The following CYP39A1 variants were observed in gnomAD, a reference collection of about 807,000 sequenced individuals.
The protein encoded by CYP39A1 is 24-hydroxycholesterol 7-alpha-hydroxylase.
In CYP39A1, 49 loss-of-function variants were observed where a neutral mutation model predicts 58.1. That is an observed-to-expected ratio of 0.84 (90% CI 0.67 to 1.07). CYP39A1 has a LOEUF of 1.07. CYP39A1 is among the 50% of genes least tolerant of loss of function. The pLI is 0.00. For synonymous variants in CYP39A1, 209 were observed against 187.6 expected, an observed-to-expected ratio of 1.11 and a Z score of -0.93; for missense variants, 531 against 539.4, an observed-to-expected ratio of 0.98 and a Z score of 0.16.
At chr6:46,568,352 C>T (rs1771405005) in intron 10 of CYP39A1, among the ~76,000 whole-genome samples, 1 of 151,918 alleles carries the variant, frequency 6.6e-6, no homozygotes, top group South Asian at 2.1e-4. Flanking sequence ...CTGTGTGTTG[C>T]CTTTTTGTTT....
intron 10 of CYP39A1, among the ~76,000 whole-genome samples, chr6:46,569,543 C>G (rs1771471003): frequency 6.6e-6 from 1 of 151,810 alleles, no homozygotes; most frequent in Non-Finnish European, 1.5e-5. Context: ...AAGTACTTTC[C>G]TTCTATACTC....
intron 10 of CYP39A1, among the ~76,000 whole-genome samples, chr6:46,573,619 G>C (rs1052715566): frequency 2.0e-5 from 3 of 152,156 alleles, no homozygotes; most frequent in Admixed American, 6.5e-5. Flanking sequence ...ACTGGTTCCA[G>C]GGCACAGGCA....
chr6:46,614,733 G>T (rs1448529569), intron 7 of CYP39A1, among the ~76,000 whole-genome samples: 1 of 152,076 alleles, frequency 6.6e-6, no homozygotes, highest in Non-Finnish European at 1.5e-5. Context: ...AAACCTAGCT[G>T]ATTTAGTAAA....
chr6:46,652,281 T>A, intron 1 of CYP39A1, 125 bp downstream of exon 1: 1 of 921,080 alleles, frequency 1.1e-6, no homozygotes, highest in Non-Finnish European at 1.6e-6. Flanking sequence ...AATGACTAGA[T>A]CCTTTAGTTG....
At position 46,587,000 on chromosome 6, in the gene CYP39A1, A is replaced by G. The variant is rs960165139; in HGVS notation, c.1250+77T>C. 18 of 970,142 alleles carry G rather than the reference A, an allele frequency of 1.9e-5. No individual in the cohort carries two copies. The African/African-American group carries it at 2.5e-4, about 13-fold the overall frequency. The allele number at this position is 970,142 out of a possible 1,614,324, so 60.1% of individuals were successfully genotyped here. On this transcript the variant is annotated intron_variant, in intron 10 of 11. Coordinates refer to ENST00000275016, the MANE Select transcript of CYP39A1 (RefSeq NM_016593.5). ...TTTAAATATATATATAAAGAGATTA[A>G]GCCAAAGTTGTTCCCCTCTGAGCCA... is the stretch of plus-strand genomic sequence containing the variant.
At chr6:46,648,104 T>C (rs575582005) in intron 1 of CYP39A1, among the ~76,000 whole-genome samples, 87 of 152,248 alleles carry the variant, frequency 5.7e-4, no homozygotes, top group African/African-American at 1.8e-3. Flanking sequence ...GACAGTGTGG[T>C]GATTCCTCAA....
At chr6:46,577,399 C>T (rs1403643588) in intron 10 of CYP39A1, among the ~76,000 whole-genome samples, 3 of 151,992 alleles carry the variant, frequency 2.0e-5, no homozygotes, top group Admixed American at 6.6e-5. Flanking sequence ...GTGAACAACA[C>T]GGTGACAAGA....
intron 7 of CYP39A1, among the ~76,000 whole-genome samples, chr6:46,606,164 G>A (rs1381717396): frequency 2.0e-5 from 3 of 152,108 alleles, no homozygotes; most frequent in Non-Finnish European, 2.9e-5. Flanking sequence ...AGGGTAAAAC[G>A]TTCTATATTA....
At chr6:46,636,794 A>C (rs1247596033) in intron 4 of CYP39A1, among the ~76,000 whole-genome samples, 1 of 152,218 alleles carries the variant, frequency 6.6e-6, no homozygotes, top group Non-Finnish European at 1.5e-5. Flanking sequence ...AAGTTGCAGG[A>C]GGATGAAAAC....
At chr6:46,620,019 A>T (rs1774859655) in intron 7 of CYP39A1, among the ~76,000 whole-genome samples, 1 of 152,186 alleles carries the variant, frequency 6.6e-6, no homozygotes, top group Non-Finnish European at 1.5e-5. Context: ...AGCAATAAGA[A>T]ATTTGGTAAA....
chr6:46,623,625 T>C (rs1243239065), intron 7 of CYP39A1, among the ~76,000 whole-genome samples: 1 of 152,162 alleles, frequency 6.6e-6, no homozygotes, highest in African/African-American at 2.4e-5. Flanking sequence ...TCTTTTGAGT[T>C]TTCTCTCTCT....
chr6:46,636,587 A>G, intron 4 of CYP39A1, 105 bp from the exon 5 acceptor site: 1 of 699,346 alleles, frequency 1.4e-6, no homozygotes, highest in African/African-American at 1.8e-5. Flanking sequence ...TAGTTCTCCA[A>G]ATTTATTCTT....
intron 7 of CYP39A1, among the ~76,000 whole-genome samples, chr6:46,625,002 T>C (rs947261506): frequency 2.6e-5 from 4 of 152,164 alleles, no homozygotes; most frequent in Middle Eastern, 3.2e-3. Flanking sequence ...TTACCTGACC[T>C]CTACAGTCCT....
At chr6:46,648,976 C>G (rs1172704216) in intron 1 of CYP39A1, among the ~76,000 whole-genome samples, 4 of 152,144 alleles carry the variant, frequency 2.6e-5, no homozygotes, top group African/African-American at 4.8e-5. Flanking sequence ...AAACAAAAGA[C>G]TGATATAACC....
chr6:46,630,833 A>G (rs891577106), intron 6 of CYP39A1, 130 bp downstream of exon 6: 60 of 741,244 alleles, frequency 8.1e-5, no homozygotes, highest in Non-Finnish European at 1.2e-4. Flanking sequence ...TCACAACCAA[A>G]TCCACTGTAG....
chr6:46,603,487 A>G (rs971075109), intron 7 of CYP39A1, among the ~76,000 whole-genome samples: 1 of 152,122 alleles, frequency 6.6e-6, no homozygotes, highest in Non-Finnish European at 1.5e-5. Flanking sequence ...TGCCCCTTTT[A>G]TCTACCCTCC....
At position 46,549,722 on chromosome 6, in the gene CYP39A1, T is replaced by C. The variant is rs1770291531; in HGVS notation, c.*644A>G. ...AAATCAATACATCAATCAACATACA[T>C]TTATTGAATATACTCTGTAAAGAAG... is the stretch of plus-strand genomic sequence containing the variant. On this transcript the variant is annotated 3_prime_UTR_variant, in exon 12 of 12. Coordinates refer to ENST00000275016, the MANE Select transcript of CYP39A1 (RefSeq NM_016593.5). The C allele has an allele frequency of 6.6e-6, 1 of 152,172 alleles. No individual in the cohort carries two copies. Among genetic ancestry groups the C allele is most frequent in the Admixed American group, 6.5e-5 (1 of 15,280 alleles). The allele number at this position is 152,172 out of a possible 1,614,324, so 9.4% of individuals were successfully genotyped here. A position where few individuals can be genotyped will look rare whatever the true frequency, so the allele number is the denominator to read the frequency against.
Position 46,588,114 on chromosome 6 carries a change from A to G in CYP39A1, c.1081T>C (p.Ser361Pro). 2 of 1,592,854 alleles carry G rather than the reference A, an allele frequency of 1.3e-6. No individual in the cohort carries two copies. The highest frequency in any genetic ancestry group is 1.7e-5 in the Admixed American group (1 of 57,552). The change falls in exon 9 of 12, where the codon TCT (serine) becomes CCT (proline). Residue 361 changes from serine to proline, a missense_variant. Transcript: ENST00000275016. ...PVEILNYIIP[S>P]GDLLMLSPFW... Reference sequence around the variant, plus strand: ...GGAGACAACATCAACAAGTCACCAGAAGGAATGATGTAATTCTATAACAGA... The same window carrying G: ...GGAGACAACATCAACAAGTCACCAGGAGGAATGATGTAATTCTATAACAGA...
chr6:46,588,100 C>T lies in CYP39A1; in HGVS notation c.1095G>A (p.Leu365=). The change falls in exon 9 of 12, where the codon TTG becomes TTA. Residue 365 remains leucine (L), a synonymous_variant. Transcript: ENST00000275016. ...TATGCAGCCAAAATGGAGACAACAT[C>T]AACAAGTCACCAGAAGGAATGATGT... ...LNYIIPSGDL[L]MLSPFWLHRN... The T allele has an allele frequency of 1.3e-6, 2 of 1,597,076 alleles. No homozygotes were observed. The highest frequency in any genetic ancestry group is 1.7e-6 in the Non-Finnish European group (2 of 1,171,458).
Sources: allele counts gnomAD v4.1 joint callset (sites outside exome capture counted in the v4.1 genomes callset), GRCh38; gene constraint gnomAD v4.1.1; transcripts MANE v1.5; gene names NCBI Gene and HGNC (gene_info 2026-07-23, HGNC 2026-07-21).